Variants in GABBR2 observed in about 807,000 individuals in gnomAD.
GABBR2 encodes gamma-aminobutyric acid type B receptor subunit 2.
Under a neutral mutation model 105.6 loss-of-function variants are expected in GABBR2, and 23 were observed. The observed-to-expected ratio is 0.22, with a 90% confidence interval of 0.16 to 0.31. GABBR2 has a LOEUF of 0.31. GABBR2 is among the 10% of genes least tolerant of loss of function. The pLI is 1.00. For synonymous variants in GABBR2, 478 were observed against 499.7 expected, an observed-to-expected ratio of 0.96 and a Z score of 0.58; for missense variants, 734 against 1,245.5, an observed-to-expected ratio of 0.59 and a Z score of 6.18.
intron 7 of GABBR2, among the ~76,000 whole-genome samples, chr9:98,409,041 C>T (rs1832539662): frequency 6.6e-6 from 1 of 152,224 alleles, no homozygotes; most frequent in South Asian, 2.1e-4. Flanking sequence ...AGGAAATATT[C>T]TAGCCAGAGG....
rs769482658 is a variant in GABBR2 at position 98,546,856 on chromosome 9, T to C, written c.460-4813A>G. 3.1e-5 allele frequency among the ~76,000 whole-genome samples: 2 copies of C among 64,090 alleles called. 1 individual carries two copies. The highest frequency in any genetic ancestry group is 4.1e-4 in the Admixed American group (2 of 4,856). 42.0% of individuals were successfully genotyped at this position (64,090 alleles called of 152,430 possible). ...ACTTTGTATCTATTCTTCTCTATTCTGGCTATGTGAATTAATCTTGCCTCA... is the reference window on the plus strand; with the variant it reads ...ACTTTGTATCTATTCTTCTCTATTCCGGCTATGTGAATTAATCTTGCCTCA... On this transcript the variant is annotated intron_variant, in intron 2 of 18. Transcript: ENST00000259455.
chr9:98,480,779 G>A (rs753029493), intron 5 of GABBR2, among the ~76,000 whole-genome samples, 153 bp downstream of exon 5: 14 of 152,180 alleles, frequency 9.2e-5, no homozygotes, highest in Non-Finnish European at 2.1e-4. Context: ...TCCCTGGAAA[G>A]AGGAAAGAAC....
chr9:98,458,140 C>T (rs941181172), intron 6 of GABBR2, among the ~76,000 whole-genome samples: 1 of 152,206 alleles, frequency 6.6e-6, no homozygotes, highest in Admixed American at 6.5e-5. Context: ...TGTGACTAAA[C>T]CTTATGAGTC....
At chr9:98,319,753 C>T (rs115418910) in intron 13 of GABBR2, among the ~76,000 whole-genome samples, 2,477 of 152,132 alleles carry the variant, frequency 0.016, 66 homozygotes, top group African/African-American at 0.056. Flanking sequence ...GAAACGCAGG[C>T]GCAGAAAAGA....
intron 1 of GABBR2, among the ~76,000 whole-genome samples, chr9:98,643,791 T>G (rs1829998231): frequency 6.6e-6 from 1 of 152,140 alleles, no homozygotes; most frequent in Non-Finnish European, 1.5e-5. Flanking sequence ...TTTACTCTGT[T>G]AGGAAAAAGA....
At chr9:98,330,838 T>A (rs958404286) in intron 13 of GABBR2, among the ~76,000 whole-genome samples, 2 of 152,226 alleles carry the variant, frequency 1.3e-5, no homozygotes, top group African/African-American at 4.8e-5. Context: ...GCTGTGCAAT[T>A]AGCACGGCTA....
intron 1 of GABBR2, among the ~76,000 whole-genome samples, chr9:98,672,386 C>T (rs1830417995): frequency 6.6e-6 from 1 of 152,242 alleles, no homozygotes; most frequent in African/African-American, 2.4e-5. Flanking sequence ...TGTGTCACAA[C>T]TTCCCTTTTA....
intron 3 of GABBR2, among the ~76,000 whole-genome samples, chr9:98,514,093 T>C (rs1342265697): frequency 7.0e-6 from 1 of 142,792 alleles, no homozygotes; most frequent in African/African-American, 2.5e-5. Flanking sequence ...GATGAGTTCA[T>C]GTCCTTTGTA....
At chr9:98,663,159 A>C (rs1830288715) in intron 1 of GABBR2, among the ~76,000 whole-genome samples, 1 of 151,506 alleles carries the variant, frequency 6.6e-6, no homozygotes, top group Non-Finnish European at 1.5e-5. Context: ...ACTGTCATCA[A>C]GACAGTGGAG....
At chr9:98,597,222 G>A (rs1829251517) in intron 1 of GABBR2, among the ~76,000 whole-genome samples, 1 of 152,078 alleles carries the variant, frequency 6.6e-6, no homozygotes, top group Non-Finnish European at 1.5e-5. Flanking sequence ...TAAAATAGAT[G>A]GCAAAAAATG....
chr9:98,593,387 G>A (rs886671653), intron 1 of GABBR2, among the ~76,000 whole-genome samples: 1 of 152,198 alleles, frequency 6.6e-6, no homozygotes, highest in Non-Finnish European at 1.5e-5. Context: ...GGAAGGGCAG[G>A]GCGTGGGGAG....
chr9:98,498,055 A>G lies in GABBR2; in HGVS notation c.631-1541T>C, dbSNP rs1253742809. On this transcript the variant is annotated intron_variant, in intron 3 of 18. Coordinates refer to ENST00000259455, the MANE Select transcript of GABBR2 (RefSeq NM_005458.8). ...AGTGAAATACTATTCAGCCTTCAAA[A>G]GGAATAAAATTCTGACACATGCTAC... 3.9e-5 allele frequency among the ~76,000 whole-genome samples: 6 copies of G among 152,360 alleles called. No homozygotes were observed. The East Asian group carries it at 1.2e-3, about 29-fold the overall frequency.
chr9:98,695,723 TCACA>T (rs1433512348), intron 1 of GABBR2, among the ~76,000 whole-genome samples: 1 of 152,158 alleles, frequency 6.6e-6, no homozygotes, highest in Non-Finnish European at 1.5e-5. Context: ...AATAACTCTC[TCACA>T]GAGTATCATC....
Position 98,385,625 on chromosome 9 carries a change from T to C in GABBR2, c.1662+15A>G, listed in dbSNP as rs753350134. ...CTTTCTATCATATACCACTGGCTTATGCAGAATGACTTACGGTGCAAAGTG... is the reference window on the plus strand; with the variant it reads ...CTTTCTATCATATACCACTGGCTTACGCAGAATGACTTACGGTGCAAAGTG... On this transcript the variant is annotated intron_variant, in intron 11 of 18. Transcript: ENST00000259455. 6.2e-6 allele frequency: 10 copies of C among 1,611,834 alleles called. No homozygotes were observed. The African/African-American group carries it at 1.1e-4, about 17-fold the overall frequency.
chr9:98,366,620 C>CCTTCCACTA (rs1831681796), intron 12 of GABBR2, among the ~76,000 whole-genome samples: 1 of 152,166 alleles, frequency 6.6e-6, no homozygotes, highest in African/African-American at 2.4e-5. Context: ...TTCAGACTGG[C>CCTTCCACTA]CTTCCACTAG....
chr9:98,480,685 T>C (rs568497156), intron 5 of GABBR2, among the ~76,000 whole-genome samples: 1 of 152,264 alleles, frequency 6.6e-6, no homozygotes, highest in South Asian at 2.1e-4. Flanking sequence ...GACTTAGAAT[T>C]AGCCAACAAG....
intron 9 of GABBR2, among the ~76,000 whole-genome samples, chr9:98,391,925 C>T (rs1832187690): frequency 6.6e-6 from 1 of 152,168 alleles, no homozygotes; most frequent in Non-Finnish European, 1.5e-5. Flanking sequence ...AAGGCTAGCA[C>T]AGCTGTGAGA....
At chr9:98,365,568 G>T (rs1291478965) in intron 12 of GABBR2, among the ~76,000 whole-genome samples, 5 of 152,242 alleles carry the variant, frequency 3.3e-5, no homozygotes, top group Non-Finnish European at 7.3e-5. Flanking sequence ...ATGGGTTTAG[G>T]CTAAGTAGTT....
chr9:98,414,931 C>T (rs1157845067), intron 7 of GABBR2, among the ~76,000 whole-genome samples: 1 of 152,044 alleles, frequency 6.6e-6, no homozygotes, highest in African/African-American at 2.4e-5. Context: ...CGAATGATCA[C>T]GTGGAAAGGC....
Sources: gnomAD v4.1 joint callset for allele counts (sites outside exome capture counted in the v4.1 genomes callset) on GRCh38, gnomAD v4.1.1 for gene constraint, MANE v1.5 for transcripts, NCBI Gene and HGNC (gene_info 2026-07-23, HGNC 2026-07-21) for gene names.